CDH8: variants seen among roughly 807,000 people sequenced by gnomAD.
CDH8 encodes cadherin-8.
In CDH8, 17 loss-of-function variants were observed where a neutral mutation model predicts 68.1. The ratio of observed to expected loss-of-function variants is 0.25; its 90% CI spans 0.17 to 0.37. The LOEUF (loss-of-function observed/expected upper bound fraction) is 0.37. Ranked by LOEUF, CDH8 falls within the 10% of genes least tolerant of loss-of-function variation. The pLI is 1.00. For synonymous variants in CDH8, 372 were observed against 365.1 expected, an observed-to-expected ratio of 1.02 and a Z score of -0.21; for missense variants, 763 against 999.3, an observed-to-expected ratio of 0.76 and a Z score of 3.19.
At chr16:61,954,719 A>C (rs535063577) in intron 2 of CDH8, among the ~76,000 whole-genome samples, 17 of 150,058 alleles carry the variant, frequency 1.1e-4, no homozygotes, top group Admixed American at 7.3e-4. Context: ...AAAAAAAAAG[A>C]AAGAAAGAAA....
rs1007737894 is a variant in CDH8 at position 61,882,027 on chromosome 16, T to A, written c.547+19152A>T. ...GAGTTATCTAATAATTCAGGCAAAA[T>A]CTTAGAATTAATCAAGAATATATTT... On this transcript the variant is annotated intron_variant, in intron 3 of 11. Transcript: ENST00000577390. Among the ~76,000 whole-genome samples, 41 of 152,130 alleles carry A rather than the reference T, an allele frequency of 2.7e-4. 1 individual carries two copies. Among genetic ancestry groups the A allele is most frequent in the African/African-American group, 9.4e-4 (39 of 41,422 alleles).
intron 9 of CDH8, among the ~76,000 whole-genome samples, chr16:61,716,741 A>T (rs1038653233): frequency 2.0e-5 from 3 of 151,744 alleles, no homozygotes; most frequent in Non-Finnish European, 2.9e-5. Flanking sequence ...GTTATGATTA[A>T]GATTTTTGGT....
chr16:61,977,060 G>A (rs534872869), intron 2 of CDH8, among the ~76,000 whole-genome samples: 10 of 152,168 alleles, frequency 6.6e-5, no homozygotes, highest in South Asian at 4.1e-4. Context: ...ATACAATCAC[G>A]GAATATAGGC....
intron 2 of CDH8, among the ~76,000 whole-genome samples, chr16:61,903,042 T>C (rs543584878): frequency 1.3e-3 from 199 of 152,294 alleles, no homozygotes; most frequent in Non-Finnish European, 2.5e-3. Context: ...TAATATATAA[T>C]TCATGGAAGT....
At chr16:61,936,982 A>G (rs545964730) in intron 2 of CDH8, among the ~76,000 whole-genome samples, 8 of 152,268 alleles carry the variant, frequency 5.3e-5, no homozygotes, top group Non-Finnish European at 1.5e-5. Context: ...ATGGCTAGGC[A>G]TTGCTTCCCT....
Position 61,658,854 on chromosome 16 carries a change from AAG to A in CDH8, c.1655-3135_1655-3134del, listed in dbSNP as rs1237340994. Among the ~76,000 whole-genome samples, 4 of 151,970 alleles carry A rather than the reference AAG, an allele frequency of 2.6e-5. No homozygotes were observed. In the East Asian group the frequency reaches 5.8e-4, roughly 22 times the overall value. ...ATCTTTATCATCAGTTTTCTATATT[AAG>A]AGAGTTATTTCTTAATGTTCTTCAA... On this transcript the variant is annotated intron_variant, in intron 10 of 11. Transcript: ENST00000577390.
intron 2 of CDH8, among the ~76,000 whole-genome samples, chr16:61,919,558 G>A (rs913608235): frequency 6.7e-6 from 1 of 149,812 alleles, no homozygotes; most frequent in African/African-American, 2.5e-5. Context: ...TGGAAGAAAG[G>A]GTATCAGCAA....
rs541086669 is a variant in CDH8 at position 61,796,561 on chromosome 16, A to G, written c.1278-7079T>C. On this transcript the variant is annotated intron_variant, in intron 7 of 11. Transcript: ENST00000577390. ...ACAGTCTCTTTCTACTGCAATAGAT[A>G]TAGTTTAGAAACTGCATTGTCCTTG... 2.0e-5 allele frequency among the ~76,000 whole-genome samples: 3 copies of G among 152,210 alleles called. No individual in the cohort carries two copies. In the South Asian group the frequency reaches 6.2e-4, roughly 32 times the overall value.
intron 5 of CDH8, among the ~76,000 whole-genome samples, chr16:61,824,437 G>C (rs1464411335): frequency 6.6e-6 from 1 of 151,866 alleles, no homozygotes; most frequent in Non-Finnish European, 1.5e-5. Flanking sequence ...TGTTCGATGA[G>C]AGTAAAGAAA....
At chr16:61,959,984 G>GTGTATATATATATATATATATA (rs1385952323) in intron 2 of CDH8, among the ~76,000 whole-genome samples, 4 of 44,556 alleles carry the variant, frequency 9.0e-5, no homozygotes, top group East Asian at 1.1e-3. Flanking sequence ...GTGTGTGTGT[G>GTGTATATATATATATATATATA]TATATATATA....
intron 1 of CDH8, among the ~76,000 whole-genome samples, chr16:62,033,519 GAAGGCTTT>G (rs1902377484): frequency 6.6e-6 from 1 of 152,164 alleles, no homozygotes; most frequent in South Asian, 2.1e-4. Flanking sequence ...TACCCATCTT[GAAGGCTTT>G]AAGAGACTGT....
chr16:61,718,541 C>A (rs115485073), intron 9 of CDH8, among the ~76,000 whole-genome samples: 3 of 151,280 alleles, frequency 2.0e-5, no homozygotes, highest in Non-Finnish European at 4.4e-5. Flanking sequence ...AGGGAAGTTA[C>A]GGTCGATGAA....
intron 8 of CDH8, among the ~76,000 whole-genome samples, chr16:61,755,111 C>T (rs1960278100): frequency 6.6e-6 from 1 of 152,194 alleles, no homozygotes; most frequent in South Asian, 2.1e-4. Flanking sequence ...CAAACAACGA[C>T]TCTTGTGAAA....
At chr16:61,888,602 T>C (rs916879705) in intron 3 of CDH8, among the ~76,000 whole-genome samples, 3 of 152,152 alleles carry the variant, frequency 2.0e-5, no homozygotes, top group Non-Finnish European at 2.9e-5. Flanking sequence ...AAAATAAGAA[T>C]AATAAAATTC....
At chr16:61,925,488 CATT>C (rs1452699473) in intron 2 of CDH8, among the ~76,000 whole-genome samples, 10 of 152,118 alleles carry the variant, frequency 6.6e-5, no homozygotes, top group Non-Finnish European at 1.5e-4. Flanking sequence ...GGAGGAGAAA[CATT>C]ATTTTTACTG....
chr16:61,708,945 G>A (rs56242879), intron 10 of CDH8, among the ~76,000 whole-genome samples: 4,799 of 152,126 alleles, frequency 0.032, 123 homozygotes, highest in Non-Finnish European at 0.047. Flanking sequence ...TGTGTGTTGC[G>A]CTTTGAAAAA....
At chr16:61,898,733 G>C (rs574609004) in intron 3 of CDH8, among the ~76,000 whole-genome samples, 3 of 152,154 alleles carry the variant, frequency 2.0e-5, no homozygotes, top group Non-Finnish European at 4.4e-5. Flanking sequence ...ACAGCAGTCA[G>C]TAGTGACTGG....
rs536225911 is a variant in CDH8, at chr16:61,914,742, TAA to T, written c.253-13271_253-13270del. On this transcript the variant is annotated intron_variant, in intron 2 of 11. Coordinates refer to ENST00000577390, the MANE Select transcript of CDH8 (RefSeq NM_001796.5). The stretch of plus-strand genomic sequence containing the variant: ...GTATAATAATAATAATAAAAAGAGT[TAA>T]AAAAAAAAAAAAAAGAATGATGCCA... Among the ~76,000 whole-genome samples the T allele has an allele frequency of 1.5e-3, 197 of 129,344 alleles. 2 individuals are homozygous for T. The highest frequency in any genetic ancestry group is 8.1e-3 in the Middle Eastern group (2 of 246). The allele number at this position is 129,344 out of a possible 152,430, so 84.9% of individuals were successfully genotyped here. A position where few individuals can be genotyped will look rare whatever the true frequency, so the allele number is the denominator to read the frequency against.
chr16:61,855,715 C>A (rs1449460376), intron 4 of CDH8, among the ~76,000 whole-genome samples: 1 of 152,100 alleles, frequency 6.6e-6, no homozygotes, highest in African/African-American at 2.4e-5. Context: ...TAGTTATTAC[C>A]TATTAAACTG....
Sources: allele counts gnomAD v4.1 joint callset (sites outside exome capture counted in the v4.1 genomes callset), GRCh38; gene constraint gnomAD v4.1.1; transcripts MANE v1.5; gene names NCBI Gene and HGNC (gene_info 2026-07-23, HGNC 2026-07-21).